Variants in FAT1 observed in about 807,000 individuals in gnomAD.
FAT1 encodes FAT atypical cadherin 1.
In FAT1, 171 loss-of-function variants were observed where a neutral mutation model predicts 329.8. That is an observed-to-expected ratio of 0.52 (90% CI 0.46 to 0.59). The LOEUF (loss-of-function observed/expected upper bound fraction) is 0.59. Ranked by LOEUF, FAT1 falls within the 20% of genes least tolerant of loss-of-function variation. The probability of loss-of-function intolerance (pLI) is 0.00; values close to 1 mark genes in which losing one functional copy is unlikely to be tolerated. For synonymous variants in FAT1, 2,233 were observed against 2,228.6 expected (o/e 1.00, Z -0.06); for missense variants, 5,672 against 5,774.4 (o/e 0.98, Z 0.57).
chr4:186,661,518 G>C (rs184031540), intron 3 of FAT1, among the ~76,000 whole-genome samples: 1 of 152,198 alleles, frequency 6.6e-6, no homozygotes, highest in Non-Finnish European at 1.5e-5. Flanking sequence ...TGGAGGCTAC[G>C]GGAAGGTGAA....
Position 186,604,527 on chromosome 4 carries a change from A to G in FAT1, c.10398T>C (p.Asp3466=). The G allele has an allele frequency of 6.2e-7, 1 of 1,613,674 alleles. No homozygotes were observed. The highest frequency in any genetic ancestry group is 8.5e-7 in the Non-Finnish European group (1 of 1,179,690). The change falls in exon 18 of 27, where the codon GAT becomes GAC. Residue 3466 remains aspartate (D), a synonymous_variant. Coordinates refer to ENST00000441802, the MANE Select transcript of FAT1 (RefSeq NM_005245.4). ...GFSVLQLVVT[D]EDSSHNGPPF... Reference sequence around the variant, plus strand: ...GTGGACCGTTATGGGAAGAATCCTCATCTGTTACTACCAGCTGCAGCACGC... The same window carrying G: ...GTGGACCGTTATGGGAAGAATCCTCGTCTGTTACTACCAGCTGCAGCACGC...
In FAT1 at chr4:186,616,985, G is replaced by T. The variant is rs771910305; in HGVS notation, c.9075+20C>A. ...AAATTGAAATTCATAACACACAAAT[G>T]TAAGGGAAGAGCTGCTTACCTTTTC... On this transcript the variant is annotated intron_variant, in intron 11 of 26. Transcript: ENST00000441802. 1.3e-6 allele frequency: 2 copies of T among 1,595,732 alleles called. No individual in the cohort carries two copies. Among genetic ancestry groups the T allele is most frequent in the South Asian group, 1.1e-5 (1 of 88,628 alleles).
rs763371390 is a variant in FAT1 at position 186,617,697 on chromosome 4, A to AT, written c.8878+10dup. On this transcript the variant is annotated intron_variant, in intron 10 of 26. Coordinates refer to ENST00000441802, the MANE Select transcript of FAT1 (RefSeq NM_005245.4). ...AAATTAATTAAACCGTTTGGTATGA[A>AT]TTTTTTTTACCTGTTATGAAATATG... 2.1e-5 allele frequency: 32 copies of AT among 1,536,438 alleles called. No individual in the cohort carries two copies. Among genetic ancestry groups the AT allele is most frequent in the African/African-American group, 6.9e-5 (5 of 72,172 alleles).
At chr4:186,686,158 T>A (rs1160988340) in intron 2 of FAT1, among the ~76,000 whole-genome samples, 3 of 152,176 alleles carry the variant, frequency 2.0e-5, no homozygotes, top group Non-Finnish European at 4.4e-5. Flanking sequence ...TGCATTCATT[T>A]GGTACTGCTG....
At chr4:186,634,668 AAAAC>A (rs2126558238) in intron 6 of FAT1, among the ~76,000 whole-genome samples, 1 of 152,356 alleles carries the variant, frequency 6.6e-6, no homozygotes, top group East Asian at 1.9e-4. Flanking sequence ...AAAAAAAACA[AAAAC>A]AAAACAAGGC....
Position 186,619,508 on chromosome 4 carries a change from C to T in FAT1, c.7078G>A (p.Val2360Met). The change falls in exon 10 of 27, where the codon GTG (valine) becomes ATG (methionine). Residue 2360 changes from valine to methionine, a missense_variant. By Grantham distance (21) the Val-to-Met change is conservative (BLOSUM62 1). Coordinates refer to ENST00000441802, the MANE Select transcript of FAT1 (RefSeq NM_005245.4). ...YEQSRQHTIFVRAVDGGMPTL... is the reference protein window; with the variant it reads ...YEQSRQHTIFMRAVDGGMPTL... ...GGCATACCACCATCAACTGCCCTCA[C>T]AAAAATCGTGTGCTGCCGGGACTGC... 2 of 1,613,944 alleles carry T rather than the reference C, an allele frequency of 1.2e-6. No individual in the cohort carries two copies. The highest frequency in any genetic ancestry group is 1.1e-5 in the South Asian group (1 of 91,074).
chr4:186,636,748 G>T lies in FAT1; in HGVS notation c.3809C>A (p.Pro1270Gln). The T allele has an allele frequency of 1.9e-6, 3 of 1,613,796 alleles. No homozygotes were observed. Among genetic ancestry groups the T allele is most frequent in the Non-Finnish European group, 2.5e-6 (3 of 1,179,842 alleles). Reference sequence around the variant, plus strand: ...GTCGGTGGCTATGACGTGATAGAGCGGCTCCCGTCTGGCATTTCTTTCTCG... The same window carrying T: ...GTCGGTGGCTATGACGTGATAGAGCTGCTCCCGTCTGGCATTTCTTTCTCG... ...PDRERNARRE[P>Q]LYHVIATDKD... is the part of the protein sequence containing the mutation. Residue 1270 changes from proline (P) to glutamine (Q), a missense_variant, in exon 5 of 27, where the codon CCG becomes CAG. By Grantham distance (76) the Pro-to-Gln change is moderately conservative. Around this residue, in one of 2 missense-constraint regions of FAT1, gnomAD observed 3,966 missense variants for 3,915.2 expected, o/e 1.01. Coordinates refer to ENST00000441802, the MANE Select transcript of FAT1 (RefSeq NM_005245.4).
chr4:186,705,270 T>C (rs1053989684), intron 2 of FAT1, among the ~76,000 whole-genome samples: 1 of 152,144 alleles, frequency 6.6e-6, no homozygotes, highest in Non-Finnish European at 1.5e-5. Context: ...TAAACAGCAG[T>C]TACATTTTTC....
chr4:186,726,525 G>A (rs1482686482), upstream of FAT1: 1 of 152,246 alleles, frequency 6.6e-6, no homozygotes, highest in Non-Finnish European at 1.5e-5. Context: ...GGACCCAGGC[G>A]GCCGCATCTC....
chr4:186,719,302 A>G (rs145580306), intron 1 of FAT1, among the ~76,000 whole-genome samples: 123 of 152,304 alleles, frequency 8.1e-4, no homozygotes, highest in African/African-American at 2.7e-3. Context: ...GGCCTTCACT[A>G]TATAAGAGTT....
chr4:186,645,968 T>TACACACAC lies in FAT1; in HGVS notation c.3581-6193_3581-6186dup, dbSNP rs371987938. ...CACAAAAAAAAAAAAAAAAAATATA[T>TACACACAC]ACACACACACACACACACACACACA... On this transcript the variant is annotated intron_variant, in intron 3 of 26. Coordinates refer to ENST00000441802, the MANE Select transcript of FAT1 (RefSeq NM_005245.4). Among the ~76,000 whole-genome samples, 573 of 105,184 alleles carry TACACACAC rather than the reference T, an allele frequency of 5.4e-3. 11 individuals carry two copies. The highest frequency in any genetic ancestry group is 0.015 in the African/African-American group (394 of 25,692). 69.0% of individuals were successfully genotyped at this position (105,184 alleles called of 152,430 possible). A position where few individuals can be genotyped will look rare whatever the true frequency, so the allele number is the denominator to read the frequency against.
chr4:186,685,864 C>T (rs1417853451), intron 2 of FAT1, among the ~76,000 whole-genome samples: 5 of 152,188 alleles, frequency 3.3e-5, no homozygotes, highest in Admixed American at 6.5e-5. Flanking sequence ...TCTAAGCAGC[C>T]AGCAAGCTGT....
rs1488780116 is a variant in FAT1 at position 186,621,748 on chromosome 4, T to C, written c.4838A>G (p.Asp1613Gly). The C allele has an allele frequency of 1.3e-6, 2 of 1,578,232 alleles. No individual in the cohort carries two copies. Among genetic ancestry groups the C allele is most frequent in the Non-Finnish European group, 1.7e-6 (2 of 1,165,898 alleles). ...SGNIGNSFMI[D>G]PVLGSIKTAK... Reference sequence around the variant, plus strand: ...AGTTTTAATAGAGCCCAAGACAGGATCAATCATAAAAGAATTTCCAATATT... The same window carrying C: ...AGTTTTAATAGAGCCCAAGACAGGACCAATCATAAAAGAATTTCCAATATT... Residue 1613 changes from aspartate to glycine, a missense_variant, in exon 10 of 27, where the codon GAT (aspartate) becomes GGT (glycine). Physicochemically the swap from Asp to Gly is moderately conservative, Grantham distance 94. Coordinates refer to ENST00000441802, the MANE Select transcript of FAT1 (RefSeq NM_005245.4).
At position 186,617,758 on chromosome 4, in the gene FAT1, G is replaced by A. The variant is rs201085583; in HGVS notation, c.8828C>T (p.Thr2943Met). 3.4e-5 allele frequency: 55 copies of A among 1,611,878 alleles called. No individual in the cohort carries two copies. The highest frequency in any genetic ancestry group is 2.0e-4 in the East Asian group (9 of 44,846). Reference sequence around the variant, plus strand: ...GTTGATCTCTTCAGAATCAGCATCCGTGGTACTTAAGATGGCAATCACCCC... The same window carrying A: ...GTTGATCTCTTCAGAATCAGCATCCATGGTACTTAAGATGGCAATCACCCC... ...QGGVIAILSTTDADSEEINRQ... is the reference protein window; with the variant it reads ...QGGVIAILSTMDADSEEINRQ... Residue 2943 changes from threonine (T) to methionine (M), a missense_variant, in exon 10 of 27, where the codon ACG becomes ATG. Coordinates refer to ENST00000441802, the MANE Select transcript of FAT1 (RefSeq NM_005245.4).
intron 2 of FAT1, among the ~76,000 whole-genome samples, chr4:186,687,973 C>T (rs1242268962): frequency 6.6e-6 from 1 of 152,046 alleles, no homozygotes; most frequent in Admixed American, 6.6e-5. Context: ...AAATTTTAGT[C>T]ATGTTTTCTC....
rs201722651 is a variant in FAT1, at chr4:186,706,685, G to T, written c.3143C>A (p.Pro1048His). The T allele has an allele frequency of 6.2e-7, 1 of 1,613,942 alleles. No homozygotes were observed. The highest frequency in any genetic ancestry group is 8.5e-7 in the Non-Finnish European group (1 of 1,179,884). ...VEKGTVKEDA[P>H]VGSLVMTVSA... The stretch of plus-strand genomic sequence containing the variant: ...CACCGTCATTACCAATGAACCAACA[G>T]GTGCATCTTCTTTCACTGTCCCCTT... Residue 1048 changes from proline (P) to histidine (H), a missense_variant, in exon 2 of 27, where the codon CCT (proline) becomes CAT (histidine). Physicochemically the swap from Pro to His is moderately conservative, Grantham distance 77. Around this residue, in one of 2 missense-constraint regions of FAT1, gnomAD observed 3,966 missense variants for 3,915.2 expected, o/e 1.01. Transcript: ENST00000441802.
intron 2 of FAT1, 62 bp downstream of exon 2, chr4:186,706,501 T>C: frequency 7.0e-7 from 1 of 1,427,752 alleles, no homozygotes; most frequent in South Asian, 1.4e-5. Context: ...ACAGGGCAGA[T>C]GGTTAAAAAA....
rs1365239672 is a variant in FAT1, at chr4:186,620,330, A to G, written c.6256T>C (p.Tyr2086His). Residue 2086 changes from tyrosine (Y) to histidine (H), a missense_variant, in exon 10 of 27, where the codon TAC becomes CAC. This residue lies in a region of FAT1 where 3,966 missense variants were observed against 3,915.2 expected (regional missense o/e 1.01). Coordinates refer to ENST00000441802, the MANE Select transcript of FAT1 (RefSeq NM_005245.4). ...DNAPVFVNLP[Y>H]YAVVKVDTEV... ...GTGTCCACTTTAACAACGGCGTAGT[A>G]GGGAAGGTTGACAAACACCGGCGCA... is the stretch of plus-strand genomic sequence containing the variant. 2 of 1,613,908 alleles carry G rather than the reference A, an allele frequency of 1.2e-6. No homozygotes were observed. The highest frequency in any genetic ancestry group is 1.7e-6 in the Non-Finnish European group (2 of 1,179,900).
chr4:186,645,366 C>CATATATAT (rs70964973), intron 3 of FAT1, among the ~76,000 whole-genome samples: 2 of 35,458 alleles, frequency 5.6e-5, no homozygotes, highest in Non-Finnish European at 1.2e-4. Context: ...TACTTCATTA[C>CATATATAT]ATATATATAT....
Sources: gnomAD v4.1 joint callset for allele counts (sites outside exome capture counted in the v4.1 genomes callset) on GRCh38, gnomAD v4.1.1 for gene constraint, gnomAD v4.1.1 regional missense constraint, MANE v1.5 for transcripts, NCBI Gene and HGNC (gene_info 2026-07-23, HGNC 2026-07-21) for gene names.